The following COL23A1 variants were observed in gnomAD, a reference collection of about 807,000 sequenced individuals.
The protein encoded by COL23A1 is collagen type XXIII alpha 1 chain.
COL23A1 carries 97 observed loss-of-function variants against 99.3 expected under a neutral mutation model. The observed-to-expected ratio is 0.98, with a 90% CI of 0.83 to 1.16. COL23A1 has a LOEUF of 1.16. Among genes scored for constraint, COL23A1 ranks in the 50% most tolerant of loss-of-function variants. COL23A1 has a pLI of 0.00. For missense variants in COL23A1, 762 were observed against 757.4 expected (o/e 1.01, Z -0.07); for synonymous variants, 320 against 308.2 (o/e 1.04, Z -0.40).
chr5:178,343,180 C>T (rs1760764894), intron 2 of COL23A1, among the ~76,000 whole-genome samples: 1 of 152,174 alleles, frequency 6.6e-6, no homozygotes, highest in African/African-American at 2.4e-5. Context: ...TCAGGACCAG[C>T]ACATGGTTCA....
intron 2 of COL23A1, among the ~76,000 whole-genome samples, chr5:178,560,062 C>T (rs554964532): frequency 1.3e-5 from 2 of 152,328 alleles, no homozygotes; most frequent in East Asian, 3.9e-4. Flanking sequence ...GTGCAAAGCT[C>T]CCCTGAGGAC....
intron 18 of COL23A1, 60 bp downstream of exon 18, chr5:178,250,001 A>G (rs755660055): frequency 6.2e-5 from 98 of 1,576,672 alleles, no homozygotes; most frequent in Non-Finnish European, 1.6e-5. Flanking sequence ...ACACACACAC[A>G]CACACACAGA....
At chr5:178,368,486 T>G (rs1762615112) in intron 2 of COL23A1, among the ~76,000 whole-genome samples, 2 of 152,210 alleles carry the variant, frequency 1.3e-5, no homozygotes, top group South Asian at 4.1e-4. Flanking sequence ...TCACTCTTGG[T>G]AGCATACATC....
At chr5:178,276,583 C>G (rs1756595282) in intron 5 of COL23A1, among the ~76,000 whole-genome samples, 1 of 152,202 alleles carries the variant, frequency 6.6e-6, no homozygotes, top group African/African-American at 2.4e-5. Context: ...CTCATTAGAG[C>G]CGGCTGGTGG....
chr5:178,260,905 G>A (rs1465298120), intron 11 of COL23A1, among the ~76,000 whole-genome samples: 2 of 152,216 alleles, frequency 1.3e-5, no homozygotes, highest in Non-Finnish European at 1.5e-5. Context: ...ACACCACAGT[G>A]GTGGATACTT....
At chr5:178,531,427 G>A (rs560612100) in intron 2 of COL23A1, among the ~76,000 whole-genome samples, 1 of 152,272 alleles carries the variant, frequency 6.6e-6, no homozygotes, top group East Asian at 1.9e-4. Flanking sequence ...ACCCCCTGTG[G>A]CCTGACCTAG....
rs142459379 is a variant in COL23A1, at chr5:178,288,084, G to A, written c.441+240C>T. The stretch of plus-strand genomic sequence containing the variant: ...GGACTTACTGAAGAAGCAGTGGCAG[G>A]TGGATTCAGTGCCACCCAGACACCT... On this transcript the variant is annotated intron_variant, in intron 5 of 28. Transcript: ENST00000390654. Among the ~76,000 whole-genome samples, 40 of 152,296 alleles carry A rather than the reference G, an allele frequency of 2.6e-4. 1 individual carries two copies. The highest frequency in any genetic ancestry group is 8.4e-4 in the African/African-American group (35 of 41,568).
intron 2 of COL23A1, among the ~76,000 whole-genome samples, chr5:178,320,999 C>T (rs1759271508): frequency 6.6e-6 from 1 of 152,218 alleles, no homozygotes. Flanking sequence ...ACAGTGTGTC[C>T]AGCTGTGTTT....
At chr5:178,584,308 C>CCACCCA (rs1763809916) in intron 1 of COL23A1, among the ~76,000 whole-genome samples, 1 of 145,036 alleles carries the variant, frequency 6.9e-6, no homozygotes, top group Admixed American at 6.9e-5. Context: ...CTGCACCTGG[C>CCACCCA]CACACACACA....
At chr5:178,523,737 G>A (rs148394386) in intron 2 of COL23A1, 4 of 152,256 alleles carry the variant, frequency 2.6e-5, no homozygotes, top group South Asian at 4.1e-4. Context: ...ATTGAAACCC[G>A]GAATGATGAA....
intron 13 of COL23A1, 79 bp from the exon 14 acceptor site, chr5:178,257,007 G>T: frequency 7.2e-7 from 1 of 1,385,266 alleles, no homozygotes; most frequent in East Asian, 2.5e-5. Flanking sequence ...GTGCCTCGGG[G>T]TTGCCTGAAG....
chr5:178,583,477 G>A (rs1047836324), intron 1 of COL23A1, among the ~76,000 whole-genome samples: 7 of 152,140 alleles, frequency 4.6e-5, no homozygotes, highest in Middle Eastern at 3.2e-3. Context: ...GGGGTTGATC[G>A]TGCACACACA....
chr5:178,296,939 C>T (rs1445693489), intron 3 of COL23A1, among the ~76,000 whole-genome samples: 1 of 152,244 alleles, frequency 6.6e-6, no homozygotes, highest in African/African-American at 2.4e-5. Flanking sequence ...CACCCAACTC[C>T]ACCAGCCAGA....
chr5:178,545,664 C>G (rs1761540951), intron 2 of COL23A1, among the ~76,000 whole-genome samples: 1 of 152,122 alleles, frequency 6.6e-6, no homozygotes, highest in Non-Finnish European at 1.5e-5. Context: ...CTGAGGGATT[C>G]TGGCCCCAAG....
intron 2 of COL23A1, among the ~76,000 whole-genome samples, chr5:178,374,195 A>G (rs533406556): frequency 1.3e-5 from 2 of 152,150 alleles, no homozygotes; most frequent in Non-Finnish European, 2.9e-5. Flanking sequence ...CAGCAAGGGC[A>G]TGGCTGATGC....
chr5:178,513,088 TGG>T lies in COL23A1; in HGVS notation c.361+47592_361+47593del, dbSNP rs1418472571. 7.7e-4 allele frequency among the ~76,000 whole-genome samples: 117 copies of T among 152,234 alleles called. 1 individual carries two copies. Among genetic ancestry groups the T allele is most frequent in the African/African-American group, 2.7e-3 (112 of 41,532 alleles). On this transcript the variant is annotated intron_variant, in intron 2 of 28. Transcript: ENST00000390654. ...GGAACAGCATGCATGAGAGAGCAGA[TGG>T]AGAGGAGGAAGGCTGGATGTTCCTG...
chr5:178,330,604 A>G (rs1163932953), intron 2 of COL23A1, among the ~76,000 whole-genome samples: 1 of 151,480 alleles, frequency 6.6e-6, no homozygotes, highest in Admixed American at 6.6e-5. Flanking sequence ...CAGTGAGCCG[A>G]GATTGCACCA....
At chr5:178,462,622 A>G (rs1346197145) in intron 2 of COL23A1, among the ~76,000 whole-genome samples, 1 of 152,222 alleles carries the variant, frequency 6.6e-6, no homozygotes, top group Non-Finnish European at 1.5e-5. Context: ...ATGAAAATGC[A>G]CGACCAGGCC....
intron 2 of COL23A1, among the ~76,000 whole-genome samples, chr5:178,355,630 T>C (rs1366266725): frequency 6.6e-6 from 1 of 152,172 alleles, no homozygotes; most frequent in Non-Finnish European, 1.5e-5. Context: ...CCTCCTGGGT[T>C]CAAACAATTC....
Sources: allele counts gnomAD v4.1 joint callset (sites outside exome capture counted in the v4.1 genomes callset), GRCh38; gene constraint gnomAD v4.1.1; transcripts MANE v1.5; gene names NCBI Gene and HGNC (gene_info 2026-07-23, HGNC 2026-07-21).